Variants in TACR1 observed in about 807,000 individuals in gnomAD.
The protein encoded by TACR1 is tachykinin receptor 1.
A neutral mutation model predicts 35.8 loss-of-function variants in TACR1; 25 were observed. The observed-to-expected ratio is 0.70, with a 90% confidence interval of 0.51 to 0.98. The LOEUF is 0.98. TACR1 is among the 50% of genes least tolerant of loss of function. The pLI is 0.00. For synonymous variants in TACR1, 195 were observed against 206.7 expected (o/e 0.94, Z 0.48); for missense variants, 478 against 522.9 (o/e 0.91, Z 0.84).
intron 1 of TACR1, among the ~76,000 whole-genome samples, chr2:75,183,629 C>T (rs1188885173): frequency 1.3e-5 from 2 of 152,140 alleles, no homozygotes; most frequent in Non-Finnish European, 2.9e-5. Context: ...CACTGAGAAC[C>T]GCTGCAGTAG....
chr2:75,138,895 G>A (rs1674348443), intron 1 of TACR1, among the ~76,000 whole-genome samples: 1 of 152,148 alleles, frequency 6.6e-6, no homozygotes, highest in Admixed American at 6.5e-5. Context: ...TTTTATGAGA[G>A]TGATGCATAG....
At chr2:75,089,082 C>A (rs1031617536) in intron 2 of TACR1, among the ~76,000 whole-genome samples, 3 of 152,208 alleles carry the variant, frequency 2.0e-5, no homozygotes, top group African/African-American at 7.2e-5. Context: ...ATTAACTTCA[C>A]CATATGTGCT....
intron 1 of TACR1, among the ~76,000 whole-genome samples, chr2:75,143,423 A>C (rs1264286437): frequency 1.3e-5 from 2 of 152,224 alleles, no homozygotes; most frequent in Admixed American, 6.5e-5. Flanking sequence ...ATAAAAAAAG[A>C]AAACATCAGG....
chr2:75,184,317 G>A (rs1675634530), intron 1 of TACR1, among the ~76,000 whole-genome samples: 1 of 151,952 alleles, frequency 6.6e-6, no homozygotes, highest in Non-Finnish European at 1.5e-5. Flanking sequence ...ATTTTAAAAT[G>A]TCTGTCTTAA....
intron 2 of TACR1, among the ~76,000 whole-genome samples, chr2:75,070,783 G>A (rs924893936): frequency 7.9e-5 from 12 of 152,210 alleles, no homozygotes; most frequent in African/African-American, 2.9e-4. Flanking sequence ...GCTATGCATA[G>A]CCATGCATCT....
chr2:75,150,637 T>C (rs746196087), intron 1 of TACR1, among the ~76,000 whole-genome samples: 2 of 152,188 alleles, frequency 1.3e-5, no homozygotes, highest in Admixed American at 6.5e-5. Flanking sequence ...CTTGGGTATG[T>C]TTTTTATAAG....
At chr2:75,132,114 G>T (rs1013451380) in intron 1 of TACR1, among the ~76,000 whole-genome samples, 1 of 152,136 alleles carries the variant, frequency 6.6e-6, no homozygotes, top group East Asian at 1.9e-4. Flanking sequence ...TTGATTAGAG[G>T]AAAGAATCTT....
At chr2:75,172,644 C>T (rs545080889) in intron 1 of TACR1, among the ~76,000 whole-genome samples, 29 of 152,212 alleles carry the variant, frequency 1.9e-4, no homozygotes, top group South Asian at 1.0e-3. Context: ...GAGAATGGAA[C>T]GAATATATTC....
intron 4 of TACR1, 72 bp from the exon 5 acceptor site, chr2:75,049,795 G>A: frequency 6.8e-7 from 1 of 1,478,098 alleles, no homozygotes; most frequent in African/African-American, 1.4e-5. Flanking sequence ...CACTGCATCA[G>A]CTTGTTAACA....
intron 1 of TACR1, among the ~76,000 whole-genome samples, chr2:75,176,497 GA>G (rs1246741305): frequency 6.6e-6 from 1 of 151,968 alleles, no homozygotes; most frequent in Non-Finnish European, 1.5e-5. Flanking sequence ...TATCCTTGCT[GA>G]GCTCATCAAG....
At chr2:75,088,547 C>T (rs1486606093) in intron 2 of TACR1, among the ~76,000 whole-genome samples, 3 of 152,126 alleles carry the variant, frequency 2.0e-5, no homozygotes, top group African/African-American at 7.2e-5. Flanking sequence ...GTTAGAGACT[C>T]AATAAATATT....
In TACR1 at chr2:75,186,371, CAA is replaced by C. The variant is rs373147504; in HGVS notation, c.389+12173_389+12174del. On this transcript the variant is annotated intron_variant, in intron 1 of 4. Coordinates refer to ENST00000305249, the MANE Select transcript of TACR1 (RefSeq NM_001058.4). ...TGGGCAACACAGCAAGACTCTGTCTCAAAAAAAAAAAAAAAAAAAAAGAAAGA... is the reference window on the plus strand; with the variant it reads ...TGGGCAACACAGCAAGACTCTGTCTCAAAAAAAAAAAAAAAAAAAGAAAGA... Among the ~76,000 whole-genome samples, 174 of 81,806 alleles carry C rather than the reference CAA, an allele frequency of 2.1e-3. 3 individuals carry two copies. In the South Asian group the frequency reaches 0.042, roughly 20 times the overall value. 53.7% of individuals were successfully genotyped at this position (81,806 alleles called of 152,430 possible).
At chr2:75,159,947 T>G (rs1045809737) in intron 1 of TACR1, among the ~76,000 whole-genome samples, 1 of 152,210 alleles carries the variant, frequency 6.6e-6, no homozygotes, top group Non-Finnish European at 1.5e-5. Context: ...AAGGTCTGAC[T>G]CTACAGGAAT....
At chr2:75,135,562 A>T (rs1674265145) in intron 1 of TACR1, among the ~76,000 whole-genome samples, 1 of 152,198 alleles carries the variant, frequency 6.6e-6, no homozygotes, top group African/African-American at 2.4e-5. Flanking sequence ...GCGCCCAAAG[A>T]TACTCAAAAC....
In TACR1 at chr2:75,099,452, CTTCATGTT is replaced by C. The variant is rs140419281; in HGVS notation, c.584+21114_584+21121del. ...ACATTTTCTTCCTATTCCTCAGACT[CTTCATGTT>C]TTCTTTCCTTCCTTGTCCATCAATC... On this transcript the variant is annotated intron_variant, in intron 2 of 4. Coordinates refer to ENST00000305249, the MANE Select transcript of TACR1 (RefSeq NM_001058.4). 9.7e-3 allele frequency among the ~76,000 whole-genome samples: 1,484 copies of C among 152,314 alleles called. 25 individuals carry two copies. Among genetic ancestry groups the C allele is most frequent in the African/African-American group, 0.033 (1,381 of 41,552 alleles).
At chr2:75,138,134 A>G (rs561820974) in intron 1 of TACR1, among the ~76,000 whole-genome samples, 1 of 152,332 alleles carries the variant, frequency 6.6e-6, no homozygotes, top group East Asian at 1.9e-4. Context: ...GCAGTTACAT[A>G]GTAGAGATGG....
chr2:75,140,120 TACTC>T (rs1285008061), intron 1 of TACR1, among the ~76,000 whole-genome samples: 1 of 152,168 alleles, frequency 6.6e-6, no homozygotes, highest in East Asian at 1.9e-4. Context: ...AGAATGGAAA[TACTC>T]ACATTCATCC....
intron 2 of TACR1, among the ~76,000 whole-genome samples, chr2:75,110,042 G>A (rs1300474334): frequency 6.6e-6 from 1 of 152,142 alleles, no homozygotes; most frequent in Non-Finnish European, 1.5e-5. Flanking sequence ...ACATATACAT[G>A]TCTTCTGGTG....
chr2:75,176,301 A>T (rs1342214364), intron 1 of TACR1, among the ~76,000 whole-genome samples: 1 of 151,294 alleles, frequency 6.6e-6, no homozygotes, highest in African/African-American at 2.4e-5. Context: ...AATTTTTTTC[A>T]TTATAGTAAA....
Sources: allele counts gnomAD v4.1 joint callset (sites outside exome capture counted in the v4.1 genomes callset), GRCh38; gene constraint gnomAD v4.1.1; transcripts MANE v1.5; gene names NCBI Gene and HGNC (gene_info 2026-07-23, HGNC 2026-07-21).